ABCC3: variants seen among roughly 807,000 people sequenced by gnomAD.
ABCC3 encodes the protein ATP binding cassette subfamily C member 3.
Under a neutral mutation model 165.3 loss-of-function variants are expected in ABCC3, and 121 were observed. That is an observed-to-expected ratio of 0.73 (90% CI 0.63 to 0.85). The LOEUF is 0.85. Among genes scored for constraint, ABCC3 ranks in the 40% least tolerant of loss-of-function variants. The pLI is 0.00. For missense variants in ABCC3, 1,869 were observed against 1,964.1 expected, an observed-to-expected ratio of 0.95 and a Z score of 0.92; for synonymous variants, 733 against 810.1, an observed-to-expected ratio of 0.90 and a Z score of 1.62.
intron 19 of ABCC3, among the ~76,000 whole-genome samples, chr17:50,673,993 TC>T (rs1967734723): frequency 1.3e-4 from 1 of 7,508 alleles, no homozygotes; most frequent in African/African-American, 8.3e-4. Context: ...TCTCTCTCTC[TC>T]TCTCTCTCTC....
chr17:50,644,088 G>A (rs571806168), intron 1 of ABCC3, among the ~76,000 whole-genome samples: 47 of 150,032 alleles, frequency 3.1e-4, no homozygotes, highest in Admixed American at 2.6e-3. Context: ...TGAGGCGGGC[G>A]GATCACAAGG....
intron 4 of ABCC3, 99 bp from the exon 5 acceptor site, chr17:50,657,983 G>GC: frequency 1.3e-6 from 2 of 1,557,124 alleles, no homozygotes; most frequent in Non-Finnish European, 1.8e-6. Context: ...GCTGCCTCCT[G>GC]CCCCAGAGGA....
At position 50,668,004 on chromosome 17, in the gene ABCC3, A is replaced by G. The variant is rs1395588267; in HGVS notation, c.1777A>G (p.Thr593Ala). ...NMLPQLISNL[T>A]QASVSLKRIQ... Reference sequence around the variant, plus strand: ...GCTGCCCCAGTTAATCAGCAACCTGACTCAGGTAACCCTGGGTAGGGCTGG... The same window carrying G: ...GCTGCCCCAGTTAATCAGCAACCTGGCTCAGGTAACCCTGGGTAGGGCTGG... The change falls in exon 13 of 31, where the codon ACT (threonine) becomes GCT (alanine). Residue 593 changes from threonine (T) to alanine (A), a missense_variant. Physicochemically the swap from Thr to Ala is moderately conservative, Grantham distance 58. Coordinates refer to ENST00000285238, the MANE Select transcript of ABCC3 (RefSeq NM_003786.4). The G allele has an allele frequency of 1.9e-6, 3 of 1,613,732 alleles. No homozygotes were observed. The highest frequency in any genetic ancestry group is 2.5e-6 in the Non-Finnish European group (3 of 1,179,850).
chr17:50,635,229 G>A (rs2146579908), intron 1 of ABCC3: 2 of 627,632 alleles, frequency 3.2e-6, no homozygotes, highest in South Asian at 3.7e-5. Context: ...GGGGAGCCCG[G>A]GAAAGTGAGG....
Position 50,656,869 on chromosome 17 carries a change from A to G in ABCC3, c.348+42A>G, listed in dbSNP as rs1423518904. ...GGGAAAGTGGATGGGGGAGGTCTCCATTGGGTTGTGGACTGTGATAGGGAA... is the reference window on the plus strand; with the variant it reads ...GGGAAAGTGGATGGGGGAGGTCTCCGTTGGGTTGTGGACTGTGATAGGGAA... On this transcript the variant is annotated intron_variant, in intron 3 of 30. Transcript: ENST00000285238. 5.7e-6 allele frequency: 9 copies of G among 1,580,190 alleles called. No homozygotes were observed. In the South Asian group the frequency reaches 1.1e-4, roughly 19 times the overall value.
chr17:50,665,960 C>T (rs1233837781), intron 11 of ABCC3, among the ~76,000 whole-genome samples: 1 of 151,934 alleles, frequency 6.6e-6, no homozygotes, highest in Non-Finnish European at 1.5e-5. Flanking sequence ...ATGACAAACC[C>T]CCTAAGAAGA....
At chr17:50,680,550 G>A (rs72839222) in intron 26 of ABCC3, among the ~76,000 whole-genome samples, 15,207 of 152,128 alleles carry the variant, frequency 0.1, 855 homozygotes, top group Middle Eastern at 0.16. Context: ...TGTCACAGCA[G>A]TCTGCCTTCA....
chr17:50,684,773 A>C lies in ABCC3; in HGVS notation c.4178A>C (p.Glu1393Ala). 1 of 1,614,132 alleles carries C rather than the reference A, an allele frequency of 6.2e-7. No homozygotes were observed. Among genetic ancestry groups the C allele is most frequent in the Non-Finnish European group, 8.5e-7 (1 of 1,180,020 alleles). ...NLDPFGSYSE[E>A]DIWWALELSH... ...GACCCCTTCGGCAGCTACTCAGAGG[A>C]GGACATTTGGTGGGCTTTGGAGCTG... The change falls in exon 29 of 31, where the codon GAG (glutamate) becomes GCG (alanine). Residue 1393 changes from glutamate (E) to alanine (A), a missense_variant. Transcript: ENST00000285238.
chr17:50,684,920 G>A (rs1597862340), intron 29 of ABCC3, 45 bp downstream of exon 29: 1 of 1,596,650 alleles, frequency 6.3e-7, no homozygotes, highest in Non-Finnish European at 8.5e-7. Flanking sequence ...ACCCTCCCTG[G>A]GAAACCCTGG....
chr17:50,671,225 A>T lies in ABCC3; in HGVS notation c.2241+1697A>T, dbSNP rs180976110. Among the ~76,000 whole-genome samples, 467 of 151,458 alleles carry T rather than the reference A, an allele frequency of 3.1e-3. 2 individuals are homozygous for T. Among genetic ancestry groups the T allele is most frequent in the African/African-American group, 0.011 (444 of 41,254 alleles). On this transcript the variant is annotated intron_variant, in intron 17 of 30. Coordinates refer to ENST00000285238, the MANE Select transcript of ABCC3 (RefSeq NM_003786.4). ...GAACTGAGATTGATTGTATCACTGC[A>T]TTCCAGCCTGGGCGACAGAGCAAGA...
At chr17:50,656,447 C>G (rs1967249284) in intron 2 of ABCC3, among the ~76,000 whole-genome samples, 1 of 152,218 alleles carries the variant, frequency 6.6e-6, no homozygotes, top group African/African-American at 2.4e-5. Flanking sequence ...ACCTGACCTG[C>G]TTGGGGTCAT....
At chr17:50,660,771 C>G in intron 7 of ABCC3, 152 bp from the exon 8 acceptor site, 492 of 465,628 alleles carry the variant, frequency 1.1e-3, no homozygotes, top group Middle Eastern at 1.3e-3. Flanking sequence ...GTCGCTTGTG[C>G]AATTCTTATG....
chr17:50,642,276 G>A (rs754839276), intron 1 of ABCC3, among the ~76,000 whole-genome samples: 3 of 152,242 alleles, frequency 2.0e-5, no homozygotes, highest in Non-Finnish European at 4.4e-5. Flanking sequence ...CTCAGGGTCT[G>A]GAGTGAACCA....
chr17:50,636,382 T>G (rs1372119806), intron 1 of ABCC3, among the ~76,000 whole-genome samples: 3 of 151,220 alleles, frequency 2.0e-5, no homozygotes, highest in Non-Finnish European at 4.4e-5. Context: ...AAAAAAAAAC[T>G]GTAAAAAGGC....
rs903047788 is a variant in ABCC3 at position 50,676,077 on chromosome 17, A to G, written c.3054A>G (p.Leu1018=). 5 of 1,614,048 alleles carry G rather than the reference A, an allele frequency of 3.1e-6. No homozygotes were observed. In the African/African-American group the frequency reaches 6.7e-5, roughly 22 times the overall value. The change falls in exon 22 of 31, where the codon TTA becomes TTG. Residue 1018 remains leucine, a synonymous_variant. Coordinates refer to ENST00000285238, the MANE Select transcript of ABCC3 (RefSeq NM_003786.4). ...TGAGGCTGGGCGTCTATGCTGCTTT[A>G]GGAATTCTGCAAGGTGAGCTTGTGG... is the stretch of plus-strand genomic sequence containing the variant. ...TSLRLGVYAA[L]GILQGFLVML...
chr17:50,650,079 T>G (rs1967085853), intron 1 of ABCC3, among the ~76,000 whole-genome samples: 1 of 152,194 alleles, frequency 6.6e-6, no homozygotes, highest in Non-Finnish European at 1.5e-5. Flanking sequence ...CCATGTTGTT[T>G]TAATGGAGAG....
At chr17:50,672,658 A>T (rs1967673412) in intron 17 of ABCC3, among the ~76,000 whole-genome samples, 1 of 152,156 alleles carries the variant, frequency 6.6e-6, no homozygotes, top group Non-Finnish European at 1.5e-5. Context: ...TGAGCTCAGG[A>T]GTTGGAGACC....
rs1968120015 is a variant in ABCC3, at chr17:50,691,346, G to A, written c.*146G>A. On this transcript the variant is annotated 3_prime_UTR_variant, in exon 31 of 31. Coordinates refer to ENST00000285238, the MANE Select transcript of ABCC3 (RefSeq NM_003786.4). ...CTGTAAAGTGCCTTACAGGGTAACT[G>A]TGCTGAATGCTTTAGATGAGGAAAT... The A allele has an allele frequency of 3.2e-6, 2 of 625,602 alleles. No homozygotes were observed. The highest frequency in any genetic ancestry group is 3.7e-5 in the African/African-American group (2 of 54,764). The allele number at this position is 625,602 out of a possible 1,614,324, so 38.8% of individuals were successfully genotyped here.
rs1967967486 is a variant in ABCC3, at chr17:50,683,725, AC to A, written c.3925del (p.Leu1309Ter). On this transcript the variant is annotated frameshift_variant, in exon 27 of 31. Transcript: ENST00000285238. LOFTEE classifies it high-confidence loss of function. ...CCGGGCCTAGACCTGGTGCTGAGAG[AC>A]CTGAGTCTGCATGTGCACGGTGGCG... Reference protein sequence around the residue: ...YRPGLDLVLRDLSLHVHGGEK... With the variant: ...YRPGLDLVLRXLSLHVHGGEK... 6.2e-7 allele frequency: 1 copy of A among 1,606,548 alleles called. No individual in the cohort carries two copies. The highest frequency in any genetic ancestry group is 8.5e-7 in the Non-Finnish European group (1 of 1,177,246).
Sources: allele counts gnomAD v4.1 joint callset (sites outside exome capture counted in the v4.1 genomes callset), GRCh38; gene constraint gnomAD v4.1.1; transcripts MANE v1.5; gene names NCBI Gene and HGNC (gene_info 2026-07-23, HGNC 2026-07-21).